Variants in GLS observed in about 807,000 individuals in gnomAD.
The protein encoded by GLS is glutaminase kidney isoform, mitochondrial.
Under a neutral mutation model 86.7 loss-of-function variants are expected in GLS, and 36 were observed. That is an observed-to-expected ratio of 0.42 (90% CI 0.32 to 0.55). The LOEUF (loss-of-function observed/expected upper bound fraction) is 0.55. GLS is among the 20% of genes least tolerant of loss of function. GLS has a pLI of 0.17. For missense variants in GLS, 528 were observed against 833.4 expected (o/e 0.63, Z 4.51); for synonymous variants, 317 against 305.9 (o/e 1.04, Z -0.38).
Position 190,951,236 on chromosome 2 carries a change from G to C in GLS, c.1651-2329G>C, listed in dbSNP as rs962285368. On this transcript the variant is annotated intron_variant, in intron 14 of 17. Coordinates refer to ENST00000320717, the MANE Select transcript of GLS (RefSeq NM_014905.5). This position sits in a 1 kb window ranked among gnomAD's most constrained non-coding sequence, Gnocchi z 4.2. ...AGCATGGAAGGCAAGTCGTGAGAGG[G>C]TGGAGGGTGCTGGGGGGATCTGAAG... 2.6e-5 allele frequency among the ~76,000 whole-genome samples: 4 copies of C among 152,190 alleles called. No homozygotes were observed. Among genetic ancestry groups the C allele is most frequent in the African/African-American group, 9.7e-5 (4 of 41,440 alleles).
rs141428590 is a variant in GLS at position 190,939,691 on chromosome 2, A to G, written c.1650+8054A>G. Among the ~76,000 whole-genome samples, 811 of 151,868 alleles carry G rather than the reference A, an allele frequency of 5.3e-3. 4 individuals carry two copies. The highest frequency in any genetic ancestry group is 0.018 in the African/African-American group (767 of 41,530). On this transcript the variant is annotated intron_variant, in intron 14 of 17. Coordinates refer to ENST00000320717, the MANE Select transcript of GLS (RefSeq NM_014905.5). ...TTTATATTGTGTTATTTCACAAATC[A>G]TCACAAAAGGGCAATTTCAAAGATT... is the stretch of plus-strand genomic sequence containing the variant.
Position 190,892,622 on chromosome 2 carries a change from G to C in GLS, c.387-2530G>C, listed in dbSNP as rs564088369. 3.3e-5 allele frequency among the ~76,000 whole-genome samples: 5 copies of C among 152,252 alleles called. No homozygotes were observed. The East Asian group carries it at 7.7e-4, about 23-fold the overall frequency. On this transcript the variant is annotated intron_variant, in intron 1 of 17. Coordinates refer to ENST00000320717, the MANE Select transcript of GLS (RefSeq NM_014905.5). ...ATTAATTTAGGGAGAGAAAAGGGGG[G>C]TTAAGGCATGAATGATCTTGAGTAG...
intron 1 of GLS, among the ~76,000 whole-genome samples, chr2:190,891,360 A>C (rs1464462723): frequency 6.6e-6 from 1 of 152,128 alleles, no homozygotes; most frequent in Non-Finnish European, 1.5e-5. Flanking sequence ...AGAATGCTAA[A>C]GAGTATAGAG....
chr2:190,887,429 T>C (rs1416446570), intron 1 of GLS, among the ~76,000 whole-genome samples: 2 of 152,142 alleles, frequency 1.3e-5, no homozygotes, highest in Admixed American at 1.3e-4. Flanking sequence ...AAGAAATGTT[T>C]ATAGTAAAAG....
intron 17 of GLS, among the ~76,000 whole-genome samples, chr2:190,958,885 T>G (rs1690926864): frequency 6.6e-6 from 1 of 152,204 alleles, no homozygotes; most frequent in Non-Finnish European, 1.5e-5. Context: ...CTGAGAAAAA[T>G]GTATATTCTA....
rs115662753 is a variant in GLS, at chr2:190,953,320, A to G, written c.1651-245A>G. 4.0e-3 allele frequency among the ~76,000 whole-genome samples: 609 copies of G among 152,334 alleles called. 4 individuals carry two copies. Among genetic ancestry groups the G allele is most frequent in the African/African-American group, 0.014 (573 of 41,574 alleles). Reference sequence around the variant, plus strand: ...ATTCCATTCTCTTCTGCCAAGTGATATTATTCCATTCCTTCCCTTGTGTAT... The same window carrying G: ...ATTCCATTCTCTTCTGCCAAGTGATGTTATTCCATTCCTTCCCTTGTGTAT... On this transcript the variant is annotated intron_variant, in intron 14 of 17. Transcript: ENST00000320717. The surrounding 1 kb of genome is among the most constrained non-coding windows in gnomAD (Gnocchi z 4.0).
At chr2:190,907,725 C>T (rs1170021404) in intron 6 of GLS, among the ~76,000 whole-genome samples, 1 of 152,154 alleles carries the variant, frequency 6.6e-6, no homozygotes, top group Non-Finnish European at 1.5e-5. Context: ...GGTTAATCAA[C>T]AAATTATTTA....
intron 14 of GLS, among the ~76,000 whole-genome samples, chr2:190,950,007 A>C (rs1363038350): frequency 6.6e-6 from 1 of 151,246 alleles, no homozygotes; most frequent in Non-Finnish European, 1.5e-5. Flanking sequence ...ATATATATAT[A>C]TATGAAGGGG....
intron 17 of GLS, among the ~76,000 whole-genome samples, chr2:190,959,329 A>G (rs1690942509): frequency 6.7e-6 from 1 of 150,312 alleles, no homozygotes; most frequent in Non-Finnish European, 1.5e-5. Context: ...TGCACGTGAG[A>G]TGGATCTCCT....
In GLS at chr2:190,962,388, T is replaced by C. The variant is rs146806340; in HGVS notation, c.1854-442T>C. Among the ~76,000 whole-genome samples, 886 of 152,304 alleles carry C rather than the reference T, an allele frequency of 5.8e-3. 13 individuals carry two copies. The highest frequency in any genetic ancestry group is 0.019 in the African/African-American group (784 of 41,568). On this transcript the variant is annotated intron_variant, in intron 17 of 17. Coordinates refer to ENST00000320717, the MANE Select transcript of GLS (RefSeq NM_014905.5). This position sits in a 1 kb window ranked among gnomAD's most constrained non-coding sequence, Gnocchi z 4.2. ...CTAGACTTCTGAGACTTACTGTGGC[T>C]TTGAATTGACACAAACACTAATTTT... is the stretch of plus-strand genomic sequence containing the variant.
chr2:190,881,236 C>G lies in GLS; in HGVS notation c.152C>G (p.Ala51Gly). The G allele has an allele frequency of 8.0e-7, 1 of 1,249,638 alleles. No individual in the cohort carries two copies. Among genetic ancestry groups the G allele is most frequent in the Non-Finnish European group, 1.0e-6 (1 of 1,000,298 alleles). 77.4% of individuals were successfully genotyped at this position (1,249,638 alleles called of 1,614,324 possible). A position where few individuals can be genotyped will look rare whatever the true frequency, so the allele number is the denominator to read the frequency against. The change falls in exon 1 of 18, where the codon GCC becomes GGC. Residue 51 changes from alanine (A) to glycine (G), a missense_variant. This residue lies in a region of GLS where 224 missense variants were observed against 187.9 expected (regional missense o/e 1.19). Coordinates refer to ENST00000320717, the MANE Select transcript of GLS (RefSeq NM_014905.5). The part of the protein sequence containing the change: ...GGRPAAGPAA[A>G]ARLHPWWGGG... ...CGGCCGGCCGCGGGCCCGGCTGCCGCCGCGCGACTCCACCCGTGGTGGGGC... is the reference window on the plus strand; with the variant it reads ...CGGCCGGCCGCGGGCCCGGCTGCCGGCGCGCGACTCCACCCGTGGTGGGGC...
At chr2:190,893,673 C>T (rs1365907124) in intron 1 of GLS, among the ~76,000 whole-genome samples, 1 of 152,176 alleles carries the variant, frequency 6.6e-6, no homozygotes, top group Admixed American at 6.5e-5. Flanking sequence ...GCAACCTCCA[C>T]CTCCCGGGTT....
intron 5 of GLS, among the ~76,000 whole-genome samples, chr2:190,902,677 G>C (rs1688986469): frequency 6.6e-6 from 1 of 152,146 alleles, no homozygotes; most frequent in African/African-American, 2.4e-5. Flanking sequence ...TAAAGTTCTA[G>C]AATATTTTTT....
At chr2:190,927,277 A>T in intron 11 of GLS, 29 bp from the exon 12 acceptor site, 2 of 1,536,524 alleles carry the variant, frequency 1.3e-6, no homozygotes, top group Non-Finnish European at 1.8e-6. Flanking sequence ...TAAAAGTAGT[A>T]TGAGAATTCT....
At position 190,943,139 on chromosome 2, in the gene GLS, G is replaced by A. The variant is rs1179528424; in HGVS notation, c.1651-10426G>A. On this transcript the variant is annotated intron_variant, in intron 14 of 17. Coordinates refer to ENST00000320717, the MANE Select transcript of GLS (RefSeq NM_014905.5). This position sits in a 1 kb window ranked among gnomAD's most constrained non-coding sequence, Gnocchi z 4.5. ...AAATAGAGGTTCTGTTAGTATGGAAGGGGTGGGTAGTGGATAATGGTTAGA... is the reference window on the plus strand; with the variant it reads ...AAATAGAGGTTCTGTTAGTATGGAAAGGGTGGGTAGTGGATAATGGTTAGA... 6.6e-6 allele frequency among the ~76,000 whole-genome samples: 1 copy of A among 152,202 alleles called. No homozygotes were observed. The highest frequency in any genetic ancestry group is 1.5e-5 in the Non-Finnish European group (1 of 68,020).
intron 12 of GLS, among the ~76,000 whole-genome samples, chr2:190,929,298 A>T (rs535274394): frequency 3.9e-5 from 6 of 151,956 alleles, no homozygotes; most frequent in East Asian, 3.9e-4. Flanking sequence ...AAATATTTTT[A>T]AAAAATAATT....
intron 11 of GLS, chr2:190,927,092 G>A: frequency 2.2e-6 from 1 of 459,842 alleles, no homozygotes; most frequent in Non-Finnish European, 3.8e-6. Context: ...GCCATTAAAA[G>A]ACTGAGTATC....
intron 14 of GLS, among the ~76,000 whole-genome samples, chr2:190,937,840 G>GTTTT (rs1197759246): frequency 3.1e-5 from 4 of 128,402 alleles, no homozygotes; most frequent in Non-Finnish European, 5.0e-5. Context: ...GAATCTGTGG[G>GTTTT]TTTTTTTTTT....
intron 4 of GLS, 80 bp from the exon 5 acceptor site, chr2:190,901,867 G>A: frequency 1.1e-6 from 1 of 869,952 alleles, no homozygotes; most frequent in South Asian, 1.3e-5. Flanking sequence ...GGTAAAATGA[G>A]ATAAGAAATT....
Sources: gnomAD v4.1 joint callset for allele counts (sites outside exome capture counted in the v4.1 genomes callset) on GRCh38, gnomAD v4.1.1 for gene constraint, gnomAD v4.1.1 regional missense constraint, Gnocchi (gnomAD v3.1) non-coding constraint, MANE v1.5 for transcripts, NCBI Gene and HGNC (gene_info 2026-07-23, HGNC 2026-07-21) for gene names.